Variants in STT3B observed in about 807,000 individuals in gnomAD.
STT3B encodes STT3 oligosaccharyltransferase complex catalytic subunit B.
Under a neutral mutation model 96.8 loss-of-function variants are expected in STT3B, and 29 were observed. The observed-to-expected ratio is 0.30, with a 90% confidence interval of 0.22 to 0.41. The LOEUF is 0.41. Among genes scored for constraint, STT3B ranks in the 10% least tolerant of loss-of-function variants. STT3B has a pLI of 1.00. For missense variants in STT3B, 640 were observed against 1,022.3 expected, an observed-to-expected ratio of 0.63 and a Z score of 5.10; for synonymous variants, 367 against 360.0, an observed-to-expected ratio of 1.02 and a Z score of -0.22.
intron 1 of STT3B, among the ~76,000 whole-genome samples, chr3:31,558,669 A>G (rs1392180617): frequency 6.6e-6 from 1 of 152,138 alleles, no homozygotes; most frequent in Non-Finnish European, 1.5e-5. Flanking sequence ...GTATCTGGGT[A>G]ATGCCTCATA....
At position 31,625,104 on chromosome 3, in the gene STT3B, C is replaced by T. The variant is rs764851406; in HGVS notation, c.1899+19C>T. On this transcript the variant is annotated intron_variant, in intron 12 of 15. Coordinates refer to ENST00000295770, the MANE Select transcript of STT3B (RefSeq NM_178862.3). ...AGCACTGGTAAGGATTTACTAAATA[C>T]AAGGTTAAAAAATCTTTATTCACTC... The T allele has an allele frequency of 2.5e-6, 4 of 1,599,298 alleles. No individual in the cohort carries two copies. The highest frequency in any genetic ancestry group is 3.4e-6 in the Non-Finnish European group (4 of 1,172,518).
At chr3:31,632,271 G>C (rs895569712) in intron 14 of STT3B, among the ~76,000 whole-genome samples, 2 of 152,138 alleles carry the variant, frequency 1.3e-5, no homozygotes, top group Non-Finnish European at 2.9e-5. Flanking sequence ...CCCACTTTCA[G>C]AATGTAGTAT....
intron 1 of STT3B, among the ~76,000 whole-genome samples, chr3:31,536,780 G>A (rs1032778047): frequency 1.3e-5 from 2 of 152,186 alleles, no homozygotes; most frequent in Non-Finnish European, 2.9e-5. Flanking sequence ...GAAGCAGTTT[G>A]AAAATATATT....
intron 1 of STT3B, among the ~76,000 whole-genome samples, chr3:31,552,908 C>A (rs1314625507): frequency 1.3e-5 from 2 of 151,880 alleles, no homozygotes; most frequent in Non-Finnish European, 2.9e-5. Context: ...TCGAGACCAT[C>A]CTGGCTAACA....
At chr3:31,576,724 T>C (rs1345562103) in intron 2 of STT3B, among the ~76,000 whole-genome samples, 1 of 152,100 alleles carries the variant, frequency 6.6e-6, no homozygotes, top group Non-Finnish European at 1.5e-5. Context: ...AGCCACTCTT[T>C]TTGACAAGTG....
chr3:31,611,529 C>T (rs1004629308), intron 5 of STT3B, among the ~76,000 whole-genome samples: 2 of 152,114 alleles, frequency 1.3e-5, no homozygotes, highest in Admixed American at 6.6e-5. Context: ...GATGGAGTTT[C>T]GCTTTTGTTG....
intron 1 of STT3B, among the ~76,000 whole-genome samples, chr3:31,564,944 TATA>T (rs1697965383): frequency 1.3e-5 from 2 of 152,322 alleles, no homozygotes; most frequent in South Asian, 4.1e-4. Context: ...AATACCAATA[TATA>T]ATAATTATGG....
intron 1 of STT3B, among the ~76,000 whole-genome samples, chr3:31,575,432 A>G (rs957941827): frequency 6.6e-6 from 1 of 151,758 alleles, no homozygotes; most frequent in Non-Finnish European, 1.5e-5. Context: ...TTTAGCTGTC[A>G]TGGTGATTGC....
intron 1 of STT3B, among the ~76,000 whole-genome samples, chr3:31,549,389 T>TG (rs1417597758): frequency 6.6e-6 from 1 of 152,066 alleles, no homozygotes; most frequent in Non-Finnish European, 1.5e-5. Context: ...CTCAGGCCTG[T>TG]ATACATTGCT....
In STT3B at chr3:31,637,490, T is replaced by C. The variant is rs1699779671; in HGVS notation, c.*1426T>C. 1 of 152,192 alleles carries C rather than the reference T, an allele frequency of 6.6e-6. No homozygotes were observed. The highest frequency in any genetic ancestry group is 1.5e-5 in the Non-Finnish European group (1 of 68,014). 9.4% of individuals were successfully genotyped at this position (152,192 alleles called of 1,614,324 possible). ...TAAAATGGCTGAACATTTTCACAAA[T>C]AGAGTGTAACGAAGTCTGGATTTCT... On this transcript the variant is annotated 3_prime_UTR_variant, in exon 16 of 16. Coordinates refer to ENST00000295770, the MANE Select transcript of STT3B (RefSeq NM_178862.3).
rs1699530187 is a variant in STT3B at position 31,626,040 on chromosome 3, A to G, written c.1986A>G (p.Gly662=). The change falls in exon 13 of 16, where the codon GGA becomes GGG. Residue 662 remains glycine, a synonymous_variant. Coordinates refer to ENST00000295770, the MANE Select transcript of STT3B (RefSeq NM_178862.3). ...LDVDYVLVIF[G]GVIGYSGDDI... is the part of the protein sequence containing the mutation. ...TAGATTATGTTTTGGTTATTTTTGG[A>G]GGGGTTATTGGCTATTCTGGTGATG... The G allele has an allele frequency of 6.2e-7, 1 of 1,613,526 alleles. No homozygotes were observed. The highest frequency in any genetic ancestry group is 8.5e-7 in the Non-Finnish European group (1 of 1,179,796).
chr3:31,575,118 G>A lies in STT3B; in HGVS notation c.315-1278G>A, dbSNP rs201121327. ...GTATTGTTTGCTTATAGCTACACTA[G>A]TACTATCATAGGTACTGTTGTTAAT... On this transcript the variant is annotated intron_variant, in intron 1 of 15. Transcript: ENST00000295770. Among the ~76,000 whole-genome samples the A allele has an allele frequency of 1.3e-5, 2 of 152,022 alleles. 1 individual carries two copies. The highest frequency in any genetic ancestry group is 3.9e-4 in the East Asian group (2 of 5,190).
chr3:31,611,224 C>T (rs959900921), intron 5 of STT3B, among the ~76,000 whole-genome samples: 9 of 152,142 alleles, frequency 5.9e-5, no homozygotes, highest in Non-Finnish European at 1.2e-4. Context: ...AAGAAGAGAT[C>T]TTAAGTTTTA....
At chr3:31,535,408 A>C (rs1217656707) in intron 1 of STT3B, among the ~76,000 whole-genome samples, 1 of 151,440 alleles carries the variant, frequency 6.6e-6, no homozygotes, top group African/African-American at 2.4e-5. Context: ...GTTGGAGGGC[A>C]TAATTCTTTT....
At chr3:31,580,120 T>A (rs1290473887) in intron 3 of STT3B, 24 bp downstream of exon 3, 2 of 1,599,588 alleles carry the variant, frequency 1.3e-6, no homozygotes, top group Admixed American at 1.7e-5. Context: ...AATGTTTTGC[T>A]GCCATTATTA....
intron 6 of STT3B, 146 bp from the exon 7 acceptor site, chr3:31,616,783 T>G: frequency 1.5e-6 from 1 of 670,544 alleles, no homozygotes; most frequent in South Asian, 3.7e-5. Context: ...GCAACTGTCA[T>G]TTGACAAAGG....
At chr3:31,550,530 CTT>C (rs1272404202) in intron 1 of STT3B, among the ~76,000 whole-genome samples, 1 of 152,186 alleles carries the variant, frequency 6.6e-6, no homozygotes, top group African/African-American at 2.4e-5. Context: ...ATTTGTGAGT[CTT>C]TCCCTTCAGA....
chr3:31,606,622 T>A (rs1305220598), intron 5 of STT3B, among the ~76,000 whole-genome samples: 1 of 152,080 alleles, frequency 6.6e-6, no homozygotes, highest in East Asian at 1.9e-4. Flanking sequence ...AAAGAACGTA[T>A]GGAAATGCCT....
rs188907459 is a variant in STT3B at position 31,565,651 on chromosome 3, C to T, written c.315-10745C>T. On this transcript the variant is annotated intron_variant, in intron 1 of 15. Coordinates refer to ENST00000295770, the MANE Select transcript of STT3B (RefSeq NM_178862.3). ...AGATAGGGACTACTTGGCTTTGTTTCTTTGTGATAGTCACACTTATTGGAG... is the reference window on the plus strand; with the variant it reads ...AGATAGGGACTACTTGGCTTTGTTTTTTTGTGATAGTCACACTTATTGGAG... 1.8e-3 allele frequency among the ~76,000 whole-genome samples: 267 copies of T among 152,268 alleles called. 1 individual carries two copies. The highest frequency in any genetic ancestry group is 6.0e-3 in the African/African-American group (250 of 41,558).
Sources: allele counts gnomAD v4.1 joint callset (sites outside exome capture counted in the v4.1 genomes callset), GRCh38; gene constraint gnomAD v4.1.1; transcripts MANE v1.5; gene names NCBI Gene and HGNC (gene_info 2026-07-23, HGNC 2026-07-21).